Variants in CCL23 observed in about 807,000 individuals in gnomAD.
CCL23 encodes C-C motif chemokine ligand 23, also known as C-C motif chemokine 23.
In CCL23, 10 loss-of-function variants were observed where a neutral mutation model predicts 11.8. The observed-to-expected ratio is 0.84, with a 90% CI of 0.52 to 1.43. The LOEUF (loss-of-function observed/expected upper bound fraction) is 1.43, where lower values mean the gene tolerates loss of function less well. Ranked by LOEUF, CCL23 falls within the 40% of genes most tolerant of loss-of-function variation. CCL23 has a pLI of 0.00. For synonymous variants in CCL23, 60 were observed against 61.0 expected (o/e 0.98, Z 0.07); for missense variants, 181 against 170.9 (o/e 1.06, Z -0.33).
chr17:36,016,392 C>T (rs1024880570), intron 1 of CCL23, among the ~76,000 whole-genome samples: 2 of 152,092 alleles, frequency 1.3e-5, no homozygotes, highest in South Asian at 4.1e-4. Context: ...TCTCAGTGTT[C>T]AACTCCCACT....
intron 2 of CCL23, among the ~76,000 whole-genome samples, 186 bp from the exon 3 acceptor site, chr17:36,014,095 C>A (rs2090079461): frequency 2.0e-5 from 3 of 152,214 alleles, no homozygotes; most frequent in Admixed American, 1.3e-4. Flanking sequence ...CAGACACCTG[C>A]AGGCATCAGA....
chr17:36,015,959 G>A (rs1201720798), intron 1 of CCL23, among the ~76,000 whole-genome samples: 2 of 151,868 alleles, frequency 1.3e-5, no homozygotes, highest in East Asian at 1.9e-4. Flanking sequence ...CAGGAGAATC[G>A]TTTGAACCCA....
chr17:36,014,285 C>A (rs761150209), intron 2 of CCL23, 49 bp downstream of exon 2: 14 of 1,352,026 alleles, frequency 1.0e-5, no homozygotes, highest in Non-Finnish European at 1.3e-5. Flanking sequence ...ATAGTGCAGA[C>A]CTGCACCTGC....
intron 1 of CCL23, 71 bp downstream of exon 1, chr17:36,017,751 C>G: frequency 7.3e-7 from 1 of 1,375,298 alleles, no homozygotes; most frequent in Non-Finnish European, 1.0e-6. Context: ...TACAGGAGGG[C>G]AATGTGTCTC....
chr17:36,017,752 A>G, intron 1 of CCL23, 70 bp downstream of exon 1: 1 of 1,393,622 alleles, frequency 7.2e-7, no homozygotes, highest in Non-Finnish European at 1.0e-6. Context: ...ACAGGAGGGC[A>G]ATGTGTCTCT....
At chr17:36,013,578 T>C (rs990707133) in intron 3 of CCL23, 166 bp downstream of exon 3, 2 of 658,988 alleles carry the variant, frequency 3.0e-6, no homozygotes, top group Non-Finnish European at 5.3e-6. Flanking sequence ...CCCCTGGGAG[T>C]GTCTCATCCC....
In CCL23 at chr17:36,017,958, C is replaced by G; in HGVS notation, c.-61G>C. ...CTGGGCTCACTGCTTCCTGGCTTCT[C>G]GGGATGCCAGTTCTGCCCTTGTATT... On this transcript the variant is annotated 5_prime_UTR_variant, in exon 1 of 4. Coordinates refer to ENST00000615050, the MANE Select transcript of CCL23 (RefSeq NM_005064.6). 6.3e-7 allele frequency: 1 copy of G among 1,585,082 alleles called. No individual in the cohort carries two copies. The highest frequency in any genetic ancestry group is 8.6e-7 in the Non-Finnish European group (1 of 1,160,614).
In CCL23 at chr17:36,014,379, A is replaced by G. The variant is rs201049268; in HGVS notation, c.91T>C (p.Phe31Leu). 2 of 1,613,310 alleles carry G rather than the reference A, an allele frequency of 1.2e-6. No homozygotes were observed. Among genetic ancestry groups the G allele is most frequent in the African/African-American group, 1.3e-5 (1 of 74,970 alleles). The change falls in exon 2 of 4, where the codon TTC becomes CTC. Residue 31 changes from phenylalanine (F) to leucine (L), a missense_variant. Coordinates refer to ENST00000615050, the MANE Select transcript of CCL23 (RefSeq NM_005064.6). ...ARVTKDAETE[F>L]MMSKLPLENP... ...TCCAATGGAAGCTTTGACATCATGAACTCTGTCTCTGCATCTGGAAGAAGC... is the reference window on the plus strand; with the variant it reads ...TCCAATGGAAGCTTTGACATCATGAGCTCTGTCTCTGCATCTGGAAGAAGC...
At chr17:36,013,704 CCTT>C (rs902308615) in intron 3 of CCL23, 37 bp downstream of exon 3, 18 of 1,606,814 alleles carry the variant, frequency 1.1e-5, no homozygotes, top group African/African-American at 4.0e-5. Flanking sequence ...GCTACAGAGT[CCTT>C]CTCCCTCAAC....
intron 1 of CCL23, among the ~76,000 whole-genome samples, chr17:36,017,557 A>G (rs1423580367): frequency 1.3e-5 from 2 of 152,206 alleles, no homozygotes; most frequent in Non-Finnish European, 2.9e-5. Flanking sequence ...TAATAGTCCT[A>G]TGTCTGCTAA....
At position 36,017,812 on chromosome 17, in the gene CCL23, C is replaced by T. The variant is rs1174488065; in HGVS notation, c.76+10G>A. ...ACCTGGTCATCTGAGAGAAAGCTCA[C>T]TGGACTCACCTTTTGTGACCCGGGC... On this transcript the variant is annotated intron_variant, in intron 1 of 3. Coordinates refer to ENST00000615050, the MANE Select transcript of CCL23 (RefSeq NM_005064.6). The T allele has an allele frequency of 6.2e-7, 1 of 1,613,974 alleles. No individual in the cohort carries two copies. The highest frequency in any genetic ancestry group is 1.1e-5 in the South Asian group (1 of 91,058).
rs1329670306 is a variant in CCL23, at chr17:36,013,915, G to A, written c.137-6C>T. On this transcript the variant is annotated splice_region_variant and splice_polypyrimidine_tract_variant and intron_variant, in intron 2 of 3. Transcript: ENST00000615050. ...AATCTTTCTCCTCCAGAGCACTGTGGAGGGTGAGAAGGCACATGGCTCAGA... is the reference window on the plus strand; with the variant it reads ...AATCTTTCTCCTCCAGAGCACTGTGAAGGGTGAGAAGGCACATGGCTCAGA... 6.2e-7 allele frequency: 1 copy of A among 1,613,894 alleles called. No homozygotes were observed. Among genetic ancestry groups the A allele is most frequent in the South Asian group, 1.1e-5 (1 of 91,074 alleles).
chr17:36,017,705 A>G (rs1308055018), intron 1 of CCL23, 117 bp downstream of exon 1: 2 of 934,368 alleles, frequency 2.1e-6, no homozygotes, highest in Non-Finnish European at 3.3e-6. Context: ...CTGCTTTTAA[A>G]TGAGTACCAT....
chr17:36,015,940 A>C (rs1321489530), intron 1 of CCL23, among the ~76,000 whole-genome samples: 1 of 151,820 alleles, frequency 6.6e-6, no homozygotes, highest in East Asian at 1.9e-4. Context: ...GCTACTAGGG[A>C]GGCTGAGGCA....
chr17:36,016,405 C>A (rs555695411), intron 1 of CCL23, among the ~76,000 whole-genome samples: 3 of 152,054 alleles, frequency 2.0e-5, no homozygotes, highest in African/African-American at 4.8e-5. Context: ...CTCCCACTTA[C>A]GAGTGAGAAC....
At chr17:36,013,401 G>T in intron 3 of CCL23, 93 bp from the exon 4 acceptor site, 1 of 751,130 alleles carries the variant, frequency 1.3e-6, no homozygotes, top group Non-Finnish European at 2.3e-6. Context: ...AGATTTCCCA[G>T]TCAATATAGC....
Position 36,017,753 on chromosome 17 carries a change from A to G in CCL23, c.76+69T>C, listed in dbSNP as rs1598760869. ...GATGGAGAGTAGTTACAGGAGGGCA[A>G]TGTGTCTCTGCCACAGAGCTTGAGT... On this transcript the variant is annotated intron_variant, in intron 1 of 3. Transcript: ENST00000615050. The G allele has an allele frequency of 7.8e-6, 11 of 1,413,334 alleles. No individual in the cohort carries two copies. In the East Asian group the frequency reaches 2.5e-4, roughly 33 times the overall value. 87.5% of individuals were successfully genotyped at this position (1,413,334 alleles called of 1,614,324 possible).
At chr17:36,017,091 T>A (rs1191293145) in intron 1 of CCL23, among the ~76,000 whole-genome samples, 2 of 152,188 alleles carry the variant, frequency 1.3e-5, no homozygotes, top group Non-Finnish European at 2.9e-5. Flanking sequence ...TTAGCTCATA[T>A]TTTAATTCCA....
intron 3 of CCL23, 157 bp downstream of exon 3, chr17:36,013,587 C>A: frequency 1.5e-6 from 1 of 689,084 alleles, no homozygotes; most frequent in Non-Finnish European, 2.5e-6. Context: ...GTGTCTCATC[C>A]CCGATGCCCT....
Sources: gnomAD v4.1 joint callset for allele counts (sites outside exome capture counted in the v4.1 genomes callset) on GRCh38, gnomAD v4.1.1 for gene constraint, MANE v1.5 for transcripts, NCBI Gene and HGNC (gene_info 2026-07-23, HGNC 2026-07-21) for gene names.